The following VPS50 variants were observed in gnomAD, a reference collection of about 807,000 sequenced individuals.
VPS50 encodes the protein syndetin.
Under a neutral mutation model 139.7 loss-of-function variants are expected in VPS50, and 70 were observed. That is an observed-to-expected ratio of 0.50 (90% CI 0.41 to 0.61). VPS50 has a LOEUF of 0.61. Ranked by LOEUF, VPS50 falls within the 20% of genes least tolerant of loss-of-function variation. The pLI is 0.00. For missense variants in VPS50, 921 were observed against 1,133.7 expected, an observed-to-expected ratio of 0.81 and a Z score of 2.69; for synonymous variants, 365 against 376.7, an observed-to-expected ratio of 0.97 and a Z score of 0.36.
intron 12 of VPS50, among the ~76,000 whole-genome samples, chr7:93,285,471 T>C (rs1202865390): frequency 1.3e-5 from 2 of 152,218 alleles, no homozygotes; most frequent in South Asian, 2.1e-4. Flanking sequence ...CAGCTTTTCC[T>C]CCCGTATTTA....
chr7:93,357,645 G>A (rs547397272), intron 27 of VPS50, among the ~76,000 whole-genome samples: 4 of 152,208 alleles, frequency 2.6e-5, no homozygotes, highest in East Asian at 1.9e-4. Context: ...GTACACAGCT[G>A]TCTTTCCCTA....
At position 93,312,473 on chromosome 7, in the gene VPS50, C is replaced by A. The variant is rs531830714; in HGVS notation, c.1855+1201C>A. Among the ~76,000 whole-genome samples the A allele has an allele frequency of 3.3e-5, 5 of 152,278 alleles. No homozygotes were observed. In the South Asian group the frequency reaches 1.0e-3, roughly 32 times the overall value. On this transcript the variant is annotated intron_variant, in intron 20 of 27. Transcript: ENST00000305866. ...ATTGGAAACACAGTGGTTTGCAAGA[C>A]TACTCATTCTATCATTAGACTGATC...
At chr7:93,285,583 G>C (rs908811897) in intron 12 of VPS50, among the ~76,000 whole-genome samples, 2 of 152,140 alleles carry the variant, frequency 1.3e-5, no homozygotes, top group African/African-American at 4.8e-5. Flanking sequence ...GATTTACACT[G>C]TTCTTTGAAA....
At chr7:93,282,462 G>C (rs77556815) in intron 12 of VPS50, among the ~76,000 whole-genome samples, 1 of 152,074 alleles carries the variant, frequency 6.6e-6, no homozygotes, top group South Asian at 2.1e-4. Flanking sequence ...GTCTGTCAAA[G>C]CTTTACATTT....
intron 1 of VPS50, among the ~76,000 whole-genome samples, chr7:93,236,584 C>T (rs1167839279): frequency 2.0e-5 from 3 of 152,156 alleles, no homozygotes; most frequent in African/African-American, 7.2e-5. Flanking sequence ...ACATCAAATA[C>T]AAAAGAAAAT....
intron 25 of VPS50, among the ~76,000 whole-genome samples, chr7:93,352,324 A>G (rs1798584517): frequency 6.6e-6 from 1 of 152,206 alleles, no homozygotes; most frequent in Admixed American, 6.5e-5. Context: ...AATTATTTGT[A>G]TAGTTTTGAT....
chr7:93,233,128 C>T (rs1376650540), intron 1 of VPS50, among the ~76,000 whole-genome samples: 1 of 151,728 alleles, frequency 6.6e-6, no homozygotes, highest in East Asian at 1.9e-4. Context: ...TCTTTTTTTT[C>T]CCCAGAATGG....
At chr7:93,313,429 A>G (rs1300382567) in intron 20 of VPS50, among the ~76,000 whole-genome samples, 1 of 152,186 alleles carries the variant, frequency 6.6e-6, no homozygotes, top group African/African-American at 2.4e-5. Context: ...GCATATTTTC[A>G]TTATAATCAA....
At chr7:93,351,305 G>T (rs1798550290) in intron 25 of VPS50, among the ~76,000 whole-genome samples, 1 of 151,946 alleles carries the variant, frequency 6.6e-6, no homozygotes, top group African/African-American at 2.4e-5. Flanking sequence ...GATTTCAATT[G>T]CAAATTTTCA....
At chr7:93,282,686 G>C (rs1457665233) in intron 12 of VPS50, among the ~76,000 whole-genome samples, 2 of 152,180 alleles carry the variant, frequency 1.3e-5, no homozygotes, top group African/African-American at 4.8e-5. Context: ...ATGGTAAGGA[G>C]GTTAAACGAC....
At chr7:93,344,179 C>A (rs1403863644) in intron 23 of VPS50, among the ~76,000 whole-genome samples, 1 of 152,108 alleles carries the variant, frequency 6.6e-6, no homozygotes, top group Non-Finnish European at 1.5e-5. Context: ...GGGTTGCAAT[C>A]CTAGTCTCTG....
intron 5 of VPS50, among the ~76,000 whole-genome samples, chr7:93,256,781 A>C (rs536379779): frequency 1.3e-5 from 2 of 152,244 alleles, no homozygotes; most frequent in South Asian, 4.1e-4. Flanking sequence ...ATATGATTCT[A>C]AAGTGATCTC....
At chr7:93,294,487 T>G in intron 13 of VPS50, 58 bp from the exon 14 acceptor site, 1 of 1,401,524 alleles carries the variant, frequency 7.1e-7, no homozygotes, top group Non-Finnish European at 9.6e-7. Flanking sequence ...AGAAATTATT[T>G]GGAAAACAAA....
chr7:93,312,819 A>T (rs1456367897), intron 20 of VPS50, among the ~76,000 whole-genome samples: 5 of 152,086 alleles, frequency 3.3e-5, no homozygotes, highest in Non-Finnish European at 2.9e-5. Context: ...CCATGGGCTC[A>T]GTTCCTTTAT....
chr7:93,291,448 T>A (rs1796645546), intron 12 of VPS50, among the ~76,000 whole-genome samples: 1 of 152,082 alleles, frequency 6.6e-6, no homozygotes, highest in South Asian at 2.1e-4. Flanking sequence ...AGTAATTTCT[T>A]TATGGTTCTG....
intron 21 of VPS50, among the ~76,000 whole-genome samples, chr7:93,325,329 C>G (rs1797737546): frequency 6.6e-6 from 1 of 152,048 alleles, no homozygotes; most frequent in Non-Finnish European, 1.5e-5. Flanking sequence ...AAATGTTAGA[C>G]CTAAAACCAT....
At position 93,360,014 on chromosome 7, in the gene VPS50, T is replaced by C. The variant is rs1205221345; in HGVS notation, c.*1578T>C. ...ATACTTGTGAAGTAGATTCTGCCTG[T>C]AGCCATTATTTATATGCAGCCACTT... On this transcript the variant is annotated 3_prime_UTR_variant, in exon 28 of 28. Coordinates refer to ENST00000305866, the MANE Select transcript of VPS50 (RefSeq NM_017667.4). The C allele has an allele frequency of 6.6e-6, 1 of 152,162 alleles. No individual in the cohort carries two copies. Among genetic ancestry groups the C allele is most frequent in the African/African-American group, 2.4e-5 (1 of 41,456 alleles). 9.4% of individuals were successfully genotyped at this position (152,162 alleles called of 1,614,324 possible). A position where few individuals can be genotyped will look rare whatever the true frequency, so the allele number is the denominator to read the frequency against.
At chr7:93,278,154 C>T (rs887303868) in intron 12 of VPS50, among the ~76,000 whole-genome samples, 3 of 152,072 alleles carry the variant, frequency 2.0e-5, no homozygotes, top group Admixed American at 6.6e-5. Flanking sequence ...AAGTCAAAGA[C>T]ATAAATTGTG....
chr7:93,358,375 A>G lies in VPS50; in HGVS notation c.2834A>G (p.Asn945Ser), dbSNP rs1257113136. Residue 945 changes from asparagine (N) to serine (S), a missense_variant, in exon 28 of 28, where the codon AAT (asparagine) becomes AGT (serine). Around this residue, in one of 3 missense-constraint regions of VPS50, gnomAD observed 158 missense variants for 156.3 expected, o/e 1.01. Transcript: ENST00000305866. ...LVNVCLGSHI[N>S]KKARQKLLAA... ...AATGTTTGCCTGGGATCCCATATCA[A>G]TAAGAAAGCAAGACAAAAACTTCTA... 1.9e-6 allele frequency: 3 copies of G among 1,612,238 alleles called. No individual in the cohort carries two copies. The highest frequency in any genetic ancestry group is 1.7e-5 in the Admixed American group (1 of 59,928).
Sources: allele counts gnomAD v4.1 joint callset (sites outside exome capture counted in the v4.1 genomes callset), GRCh38; gene constraint gnomAD v4.1.1; regional missense constraint gnomAD v4.1.1; transcripts MANE v1.5; gene names NCBI Gene and HGNC (gene_info 2026-07-23, HGNC 2026-07-21).